Variants in JARID2 observed in about 807,000 individuals in gnomAD.
JARID2 encodes the protein jumonji and AT-rich interaction domain containing 2, also known as protein Jumonji.
JARID2 carries 21 observed loss-of-function variants against 125.6 expected under a neutral mutation model. The observed-to-expected ratio is 0.17, with a 90% CI of 0.12 to 0.24. The LOEUF (loss-of-function observed/expected upper bound fraction) is 0.24, where lower values mean the gene tolerates loss of function less well. Ranked by LOEUF, JARID2 falls within the 10% of genes least tolerant of loss-of-function variation. JARID2 has a pLI of 1.00. For synonymous variants in JARID2, 736 were observed against 661.6 expected (o/e 1.11, Z -1.73); for missense variants, 1,303 against 1,639.6 (o/e 0.79, Z 3.55).
At chr6:15,509,051 C>CA (rs1193110296) in intron 12 of JARID2, 37 of 1,289,148 alleles carry the variant, frequency 2.9e-5, no homozygotes, top group Non-Finnish European at 3.6e-5. Context: ...CATGTGGAGA[C>CA]ACGCGCGTTA....
At position 15,255,756 on chromosome 6, in the gene JARID2, C is replaced by A. The variant is rs919812678; in HGVS notation, c.45+9172C>A. 2.0e-5 allele frequency among the ~76,000 whole-genome samples: 3 copies of A among 152,184 alleles called. 1 individual carries two copies. Among genetic ancestry groups the A allele is most frequent in the African/African-American group, 7.2e-5 (3 of 41,532 alleles). On this transcript the variant is annotated intron_variant, in intron 1 of 17. Transcript: ENST00000341776. ...TGAGCATGTGTTTCTTGCATTTAGTCCTTCTATAGGTTTGCAGAAGGGGGC... is the reference window on the plus strand; with the variant it reads ...TGAGCATGTGTTTCTTGCATTTAGTACTTCTATAGGTTTGCAGAAGGGGGC...
chr6:15,344,662 A>G (rs115493058), intron 1 of JARID2, among the ~76,000 whole-genome samples: 166 of 152,206 alleles, frequency 1.1e-3, no homozygotes, highest in African/African-American at 3.9e-3. Context: ...TATGCAGATT[A>G]TTTGATGCAC....
chr6:15,476,313 A>G (rs968764930), intron 5 of JARID2, among the ~76,000 whole-genome samples: 1 of 152,214 alleles, frequency 6.6e-6, no homozygotes, highest in African/African-American at 2.4e-5. Context: ...TTTCTCCACA[A>G]AAGAGCAGAG....
At position 15,520,947 on chromosome 6, in the gene JARID2, T is replaced by C. The variant is rs1771812718; in HGVS notation, c.*696T>C. ...AGCGAGCGAGGAAGACGGAAAAGACTGCCTGCCTTGGAGGGGTCACATGAG... is the reference window on the plus strand; with the variant it reads ...AGCGAGCGAGGAAGACGGAAAAGACCGCCTGCCTTGGAGGGGTCACATGAG... On this transcript the variant is annotated 3_prime_UTR_variant, in exon 18 of 18. Transcript: ENST00000341776. The C allele has an allele frequency of 2.4e-6, 1 of 413,652 alleles. No individual in the cohort carries two copies. The highest frequency in any genetic ancestry group is 2.0e-5 in the African/African-American group (1 of 48,990). 25.6% of individuals were successfully genotyped at this position (413,652 alleles called of 1,614,324 possible). A position where few individuals can be genotyped will look rare whatever the true frequency, so the allele number is the denominator to read the frequency against.
chr6:15,261,311 C>CTTTTTTTT (rs70996526), intron 1 of JARID2, among the ~76,000 whole-genome samples: 3 of 125,826 alleles, frequency 2.4e-5, no homozygotes, highest in Non-Finnish European at 3.3e-5. Flanking sequence ...TCTTCTTCTT[C>CTTTTTTTT]TTTTTTTTTT....
chr6:15,432,630 A>C (rs1459364666), intron 3 of JARID2, among the ~76,000 whole-genome samples: 2 of 152,198 alleles, frequency 1.3e-5, no homozygotes, highest in Admixed American at 1.3e-4. Flanking sequence ...GATGAAGTGA[A>C]GTTTCCTGCC....
rs1252016241 is a variant in JARID2 at position 15,415,749 on chromosome 6, C to T, written c.323+5384C>T. On this transcript the variant is annotated intron_variant, in intron 3 of 17. Coordinates refer to ENST00000341776, the MANE Select transcript of JARID2 (RefSeq NM_004973.4). ...CGGCTGGCCAGGCGGAGGGGCTCCT[C>T]GCTTCCCAGTAGGGGCGGCCTGGCA... 2.7e-5 allele frequency among the ~76,000 whole-genome samples: 4 copies of T among 147,710 alleles called. 1 individual carries two copies. Among genetic ancestry groups the T allele is most frequent in the African/African-American group, 7.5e-5 (3 of 40,070 alleles).
chr6:15,505,552 A>G (rs1770963398), intron 9 of JARID2, among the ~76,000 whole-genome samples: 1 of 152,034 alleles, frequency 6.6e-6, no homozygotes, highest in South Asian at 2.1e-4. Flanking sequence ...CCTGATAGCA[A>G]TTGTCAGAGC....
Position 15,504,612 on chromosome 6 carries a change from A to G in JARID2, c.2541+20A>G, listed in dbSNP as rs771195430. 6.5e-7 allele frequency: 1 copy of G among 1,530,228 alleles called. No homozygotes were observed. The highest frequency in any genetic ancestry group is 1.7e-5 in the Admixed American group (1 of 59,876). The allele number at this position is 1,530,228 out of a possible 1,614,324, so 94.8% of individuals were successfully genotyped here. On this transcript the variant is annotated intron_variant, in intron 9 of 17. Transcript: ENST00000341776. ...ATCGAGGTGAGAGAAGGGGCCCCTC[A>G]CGCTGCCTCTCATGGTGTGGGAACC...
At chr6:15,421,230 T>A (rs1766475098) in intron 3 of JARID2, among the ~76,000 whole-genome samples, 1 of 152,040 alleles carries the variant, frequency 6.6e-6, no homozygotes, top group Non-Finnish European at 1.5e-5. Context: ...ATGGTGGCCG[T>A]TGTTTTGTGT....
intron 2 of JARID2, among the ~76,000 whole-genome samples, chr6:15,378,198 ATT>A (rs66993753): frequency 0.012 from 1,761 of 140,982 alleles, 26 homozygotes; most frequent in African/African-American, 0.037. Flanking sequence ...TCAATTTTTA[ATT>A]TTTTTTTTTT....
intron 1 of JARID2, among the ~76,000 whole-genome samples, chr6:15,283,242 T>G (rs1760845027): frequency 6.6e-6 from 1 of 150,780 alleles, no homozygotes; most frequent in African/African-American, 2.5e-5. Flanking sequence ...CCTCCCAAAG[T>G]GCTGGGATTA....
intron 5 of JARID2, among the ~76,000 whole-genome samples, chr6:15,472,992 C>G (rs927915678): frequency 6.6e-6 from 1 of 152,130 alleles, no homozygotes; most frequent in African/African-American, 2.4e-5. Context: ...AGCACGAAAC[C>G]AACTCCACTA....
intron 1 of JARID2, among the ~76,000 whole-genome samples, chr6:15,332,422 C>T (rs1442294990): frequency 6.6e-6 from 1 of 152,084 alleles, no homozygotes; most frequent in Non-Finnish European, 1.5e-5. Flanking sequence ...ATTTCATTAA[C>T]CTGGCAGGTA....
At chr6:15,362,029 G>A (rs1048969957) in intron 1 of JARID2, among the ~76,000 whole-genome samples, 3 of 151,632 alleles carry the variant, frequency 2.0e-5, no homozygotes, top group Non-Finnish European at 4.4e-5. Context: ...CAGAGTAGGT[G>A]GGACTACACA....
chr6:15,496,519 C>T lies in JARID2; in HGVS notation c.1294C>T (p.Gln432Ter). Residue 432 changes from glutamine (Q) to a stop codon, truncating the protein, a stop_gained, in exon 7 of 18, where the codon CAG becomes TAG. Coordinates refer to ENST00000341776, the MANE Select transcript of JARID2 (RefSeq NM_004973.4). LOFTEE classifies it high-confidence loss of function. ...VGGRQLREGL[Q>*]LREGLRNSKR... ...GGGGCGGCAGCTGCGGGAGGGCCTG[C>T]AGCTGCGGGAGGGGCTGCGGAACTC... 6.2e-7 allele frequency: 1 copy of T among 1,605,904 alleles called. No homozygotes were observed. Among genetic ancestry groups the T allele is most frequent in the Non-Finnish European group, 8.5e-7 (1 of 1,176,798 alleles).
chr6:15,302,921 A>C (rs947215061), intron 1 of JARID2, among the ~76,000 whole-genome samples: 1 of 151,952 alleles, frequency 6.6e-6, no homozygotes, highest in Non-Finnish European at 1.5e-5. Flanking sequence ...TTTTTAGTAG[A>C]GACTGGGTTT....
chr6:15,345,440 C>T (rs965597312), intron 1 of JARID2, among the ~76,000 whole-genome samples: 3 of 152,126 alleles, frequency 2.0e-5, no homozygotes, highest in Non-Finnish European at 2.9e-5. Context: ...ATCTGGAGCT[C>T]GAGCTTACTC....
intron 1 of JARID2, among the ~76,000 whole-genome samples, chr6:15,284,235 T>A (rs954824190): frequency 6.6e-6 from 1 of 152,202 alleles, no homozygotes; most frequent in Non-Finnish European, 1.5e-5. Flanking sequence ...TAAATTGATA[T>A]GGAATTTACT....
Sources: gnomAD v4.1 joint callset for allele counts (sites outside exome capture counted in the v4.1 genomes callset) on GRCh38, gnomAD v4.1.1 for gene constraint, MANE v1.5 for transcripts, NCBI Gene and HGNC (gene_info 2026-07-23, HGNC 2026-07-21) for gene names.